The following BIRC6 variants were observed in gnomAD, a reference collection of about 807,000 sequenced individuals.
BIRC6 encodes baculoviral IAP repeat containing 6, also known as dual E2 ubiquitin-conjugating enzyme/E3 ubiquitin-protein ligase BIRC6.
A neutral mutation model predicts 503.3 loss-of-function variants in BIRC6; 98 were observed. The ratio of observed to expected loss-of-function variants is 0.19; its 90% CI spans 0.17 to 0.23. The LOEUF (loss-of-function observed/expected upper bound fraction) is 0.23, where lower values mean the gene tolerates loss of function less well. Ranked by LOEUF, BIRC6 falls within the 10% of genes least tolerant of loss-of-function variation. BIRC6 has a pLI of 1.00. For missense variants in BIRC6, 5,360 were observed against 5,806.0 expected, an observed-to-expected ratio of 0.92 and a Z score of 2.50; for synonymous variants, 2,240 against 2,078.7, an observed-to-expected ratio of 1.08 and a Z score of -2.11.
At chr2:32,573,082 A>T (rs2060027550) in intron 65 of BIRC6, among the ~76,000 whole-genome samples, 1 of 152,212 alleles carries the variant, frequency 6.6e-6, no homozygotes, top group South Asian at 2.1e-4. Flanking sequence ...CTAGCTTCTG[A>T]AAAGAATGTA....
intron 15 of BIRC6, among the ~76,000 whole-genome samples, chr2:32,438,340 C>T (rs984356020): frequency 2.6e-5 from 4 of 152,064 alleles, no homozygotes; most frequent in Non-Finnish European, 5.9e-5. Flanking sequence ...AAAAATGTAA[C>T]AGTGTAGTGC....
intron 4 of BIRC6, among the ~76,000 whole-genome samples, chr2:32,389,854 G>A (rs2038983878): frequency 6.6e-6 from 1 of 150,632 alleles, no homozygotes; most frequent in African/African-American, 2.4e-5. Flanking sequence ...CCACCACCAT[G>A]CATGGCTGAT....
chr2:32,579,756 T>G (rs1452981136), intron 66 of BIRC6, among the ~76,000 whole-genome samples: 2 of 152,078 alleles, frequency 1.3e-5, no homozygotes, highest in Non-Finnish European at 2.9e-5. Context: ...TACCTTACAT[T>G]TATCTAATTT....
chr2:32,360,760 A>C (rs1353390290), intron 1 of BIRC6, among the ~76,000 whole-genome samples: 1 of 152,072 alleles, frequency 6.6e-6, no homozygotes, highest in Non-Finnish European at 1.5e-5. Context: ...GAACTATTTA[A>C]GTTTAAATTC....
In BIRC6 at chr2:32,524,872, T is replaced by G; in HGVS notation, c.11624-16T>G. ...ATTTGGAAAAGCAGTGTATTTTAGATAATATCTTCTTACAGATACTCCAAG... is the reference window on the plus strand; with the variant it reads ...ATTTGGAAAAGCAGTGTATTTTAGAGAATATCTTCTTACAGATACTCCAAG... On this transcript the variant is annotated splice_polypyrimidine_tract_variant and intron_variant, in intron 57 of 73. Coordinates refer to ENST00000421745, the MANE Select transcript of BIRC6 (RefSeq NM_016252.4). 1 of 1,398,782 alleles carries G rather than the reference T, an allele frequency of 7.1e-7. No homozygotes were observed. Among genetic ancestry groups the G allele is most frequent in the Middle Eastern group, 1.8e-4 (1 of 5,498 alleles). 86.6% of individuals were successfully genotyped at this position (1,398,782 alleles called of 1,614,324 possible). A position where few individuals can be genotyped will look rare whatever the true frequency, so the allele number is the denominator to read the frequency against.
At chr2:32,567,956 TA>T (rs900112801) in intron 65 of BIRC6, among the ~76,000 whole-genome samples, 2 of 151,686 alleles carry the variant, frequency 1.3e-5, no homozygotes, top group Non-Finnish European at 2.9e-5. Context: ...AAATAATAAT[TA>T]AAAAATTAGC....
At chr2:32,386,067 C>T (rs538250737) in intron 3 of BIRC6, among the ~76,000 whole-genome samples, 3 of 152,232 alleles carry the variant, frequency 2.0e-5, no homozygotes, top group East Asian at 3.9e-4. Flanking sequence ...GACCAATCAG[C>T]GTGCTGTCAT....
At chr2:32,472,586 G>A (rs2049225545) in intron 32 of BIRC6, among the ~76,000 whole-genome samples, 2 of 152,076 alleles carry the variant, frequency 1.3e-5, no homozygotes, top group Admixed American at 1.3e-4. Flanking sequence ...ATTGGAAATG[G>A]GTGTAAAGTG....
chr2:32,463,530 G>C (rs2048217452), intron 24 of BIRC6, 149 bp downstream of exon 24: 2 of 698,506 alleles, frequency 2.9e-6, no homozygotes, highest in Non-Finnish European at 4.4e-6. Context: ...TAAAGTCTTT[G>C]TGATATTTAA....
intron 9 of BIRC6, among the ~76,000 whole-genome samples, chr2:32,413,285 A>G (rs2042084554): frequency 6.7e-6 from 1 of 148,898 alleles, no homozygotes; most frequent in African/African-American, 2.5e-5. Flanking sequence ...GCTTCAAGCG[A>G]TTTTCCAGCC....
At chr2:32,464,245 T>G (rs1281931938) in intron 24 of BIRC6, among the ~76,000 whole-genome samples, 2 of 152,224 alleles carry the variant, frequency 1.3e-5, no homozygotes, top group Non-Finnish European at 1.5e-5. Context: ...ATTCCTTATT[T>G]ACATTAATTG....
intron 65 of BIRC6, among the ~76,000 whole-genome samples, chr2:32,561,983 A>G (rs984889498): frequency 1.3e-5 from 2 of 152,030 alleles, no homozygotes; most frequent in Admixed American, 1.3e-4. Flanking sequence ...TGAAGGTTGC[A>G]GTGAGCCGAG....
chr2:32,470,142 T>TAAGAA, intron 30 of BIRC6, 26 bp from the exon 31 acceptor site: 1 of 1,455,322 alleles, frequency 6.9e-7, no homozygotes. Context: ...TCTTATTCTT[T>TAAGAA]TCTTTTTTGT....
intron 1 of BIRC6, among the ~76,000 whole-genome samples, chr2:32,361,051 G>A (rs1293208504): frequency 6.6e-6 from 1 of 151,984 alleles, no homozygotes; most frequent in Non-Finnish European, 1.5e-5. Context: ...TTCCTGAATA[G>A]CTGGGATTAC....
chr2:32,373,484 A>T (rs983278412), intron 1 of BIRC6, among the ~76,000 whole-genome samples: 6 of 152,336 alleles, frequency 3.9e-5, no homozygotes, highest in African/African-American at 1.4e-4. Flanking sequence ...CATTGGGGGA[A>T]GCGACAATCT....
At chr2:32,564,844 C>A (rs1295277386) in intron 65 of BIRC6, 1 of 152,234 alleles carries the variant, frequency 6.6e-6, no homozygotes, top group Non-Finnish European at 1.5e-5. Flanking sequence ...GCATAGCTTT[C>A]CAACTTGGAC....
chr2:32,595,900 T>G (rs2061643185), intron 68 of BIRC6, among the ~76,000 whole-genome samples: 2 of 152,212 alleles, frequency 1.3e-5, no homozygotes, highest in South Asian at 4.1e-4. Flanking sequence ...TTAAGAGTTT[T>G]GGTCAGTGTC....
chr2:32,414,666 CA>C, intron 9 of BIRC6, 102 bp from the exon 10 acceptor site: 1 of 923,408 alleles, frequency 1.1e-6, no homozygotes, highest in Non-Finnish European at 1.5e-6. Context: ...GAATTTGTCT[CA>C]AAAATAAATA....
intron 73 of BIRC6, among the ~76,000 whole-genome samples, chr2:32,617,131 C>T (rs2063295677): frequency 6.6e-6 from 1 of 152,032 alleles, no homozygotes; most frequent in Non-Finnish European, 1.5e-5. Flanking sequence ...AGGCCGGGTG[C>T]ATTGGCTCAC....
Sources: allele counts gnomAD v4.1 joint callset (sites outside exome capture counted in the v4.1 genomes callset), GRCh38; gene constraint gnomAD v4.1.1; transcripts MANE v1.5; gene names NCBI Gene and HGNC (gene_info 2026-07-23, HGNC 2026-07-21).